The following SLX9 variants were observed in gnomAD, a reference collection of about 807,000 sequenced individuals.
SLX9 encodes the protein SLX9 ribosome biogenesis factor.
In SLX9, 19 loss-of-function variants were observed where a neutral mutation model predicts 20.8. The ratio of observed to expected loss-of-function variants is 0.91; its 90% CI spans 0.64 to 1.34. The LOEUF is 1.34. SLX9 is among the 40% of genes most tolerant of loss of function. SLX9 has a pLI of 0.00. For synonymous variants in SLX9, 113 were observed against 137.1 expected (o/e 0.82, Z 1.23); for missense variants, 299 against 322.2 (o/e 0.93, Z 0.55).
chr21:44,956,606 A>G (rs1470929936), intron 2 of SLX9, among the ~76,000 whole-genome samples: 1 of 152,228 alleles, frequency 6.6e-6, no homozygotes, highest in African/African-American at 2.4e-5. Context: ...TGCCAGCAGC[A>G]TCGCGTAGTG....
intron 1 of SLX9, among the ~76,000 whole-genome samples, chr21:44,941,061 T>C (rs920534947): frequency 9.2e-5 from 14 of 152,214 alleles, no homozygotes; most frequent in African/African-American, 3.4e-4. Flanking sequence ...AGAATTTATT[T>C]ACTTTCTTTC....
chr21:44,962,614 A>G (rs1365445076), intron 3 of SLX9, among the ~76,000 whole-genome samples: 1 of 152,218 alleles, frequency 6.6e-6, no homozygotes, highest in Non-Finnish European at 1.5e-5. Context: ...GCTACTGTGA[A>G]TAAGGCTGCT....
intron 2 of SLX9, among the ~76,000 whole-genome samples, chr21:44,950,342 TTAAAA>T (rs1157931980): frequency 6.6e-6 from 1 of 152,108 alleles, no homozygotes; most frequent in African/African-American, 2.4e-5. Flanking sequence ...TACTCCCAAG[TTAAAA>T]TAAGAACAAA....
In SLX9 at chr21:44,940,065, A is replaced by G; in HGVS notation, c.8A>G (p.Lys3Arg). The G allele has an allele frequency of 4.8e-6, 7 of 1,461,092 alleles. No individual in the cohort carries two copies. The highest frequency in any genetic ancestry group is 6.3e-6 in the Non-Finnish European group (7 of 1,106,296). 90.5% of individuals were successfully genotyped at this position (1,461,092 alleles called of 1,614,324 possible). MGKVRGLRARVHQ... is the reference protein window; with the variant it reads MGRVRGLRARVHQ... ...CCGTGCTCCGCCGGGAAGATGGGGA[A>G]AGTGAGGGGGTTGCGCGCCCGAGTG... Residue 3 changes from lysine to arginine, a missense_variant, in exon 1 of 6, where the codon AAA becomes AGA. Physicochemically the swap from Lys to Arg is conservative, Grantham distance 26. Transcript: ENST00000291634.
chr21:44,948,521 C>G (rs2084692423), intron 2 of SLX9, among the ~76,000 whole-genome samples: 2 of 152,180 alleles, frequency 1.3e-5, no homozygotes, highest in Admixed American at 1.3e-4. Flanking sequence ...CAGACAGGCA[C>G]TTGGGACTCA....
At chr21:44,975,962 C>T (rs1438230966) in intron 5 of SLX9, among the ~76,000 whole-genome samples, 1 of 152,272 alleles carries the variant, frequency 6.6e-6, no homozygotes, top group Non-Finnish European at 1.5e-5. Flanking sequence ...GCTCCGTGCA[C>T]ACGGGGCACA....
chr21:44,972,129 A>G (rs1162284623), intron 4 of SLX9, among the ~76,000 whole-genome samples: 2 of 151,882 alleles, frequency 1.3e-5, no homozygotes, highest in African/African-American at 4.9e-5. Flanking sequence ...GGCTAAGTGT[A>G]GGGCTGGTCT....
intron 2 of SLX9, among the ~76,000 whole-genome samples, chr21:44,957,987 C>T (rs557556982): frequency 7.2e-5 from 11 of 152,370 alleles, no homozygotes; most frequent in African/African-American, 2.2e-4. Flanking sequence ...AGGTCGCAGC[C>T]GCCTCTGCCC....
chr21:44,954,939 G>T (rs1001018824), intron 2 of SLX9, among the ~76,000 whole-genome samples: 1 of 152,148 alleles, frequency 6.6e-6, no homozygotes, highest in African/African-American at 2.4e-5. Flanking sequence ...AGAGGCCGGG[G>T]ACGGTGGCTC....
intron 2 of SLX9, among the ~76,000 whole-genome samples, chr21:44,949,126 G>C (rs984368100): frequency 2.0e-5 from 3 of 152,168 alleles, no homozygotes; most frequent in Admixed American, 6.5e-5. Flanking sequence ...CAGGCAGCAG[G>C]AGCAGGCATC....
chr21:44,952,930 T>G (rs911035983), intron 2 of SLX9, among the ~76,000 whole-genome samples: 4 of 152,108 alleles, frequency 2.6e-5, no homozygotes, highest in African/African-American at 9.7e-5. Context: ...CAGCTGAGTG[T>G]TTTCAAATGG....
rs2085270155 is a variant in SLX9 at position 44,976,712 on chromosome 21, T to C, written c.602T>C (p.Leu201Pro). The change falls in exon 6 of 6, where the codon CTG becomes CCG. Residue 201 changes from leucine (L) to proline (P), a missense_variant. Leu to Pro is a moderately conservative substitution (Grantham distance 98). Transcript: ENST00000291634. ...GAAAGGACCCGGTTTCAGGAGCTGC[T>C]GGCCAGTCCGGCCTACAGAGCCAGC... ...EEERTRFQELLASPAYRASPL... is the reference protein window; with the variant it reads ...EEERTRFQELPASPAYRASPL... 6.3e-7 allele frequency: 1 copy of C among 1,576,888 alleles called. No individual in the cohort carries two copies.
intron 1 of SLX9, among the ~76,000 whole-genome samples, chr21:44,940,658 T>A (rs2084526735): frequency 7.0e-6 from 1 of 143,392 alleles, no homozygotes; most frequent in African/African-American, 2.7e-5. Flanking sequence ...GTGAGTGGAA[T>A]TATTGCTTTC....
At chr21:44,963,212 C>A (rs1232599778) in intron 3 of SLX9, among the ~76,000 whole-genome samples, 1 of 151,738 alleles carries the variant, frequency 6.6e-6, no homozygotes, top group African/African-American at 2.4e-5. Flanking sequence ...CCTCAGCCTT[C>A]TGAGTAGCCG....
chr21:44,971,376 G>A lies in SLX9; in HGVS notation c.501-1821G>A, dbSNP rs537635921. Among the ~76,000 whole-genome samples, 16 of 6,872 alleles carry A rather than the reference G, an allele frequency of 2.3e-3. No individual in the cohort carries two copies. The East Asian group carries it at 0.03, about 13-fold the overall frequency. The allele number at this position is 6,872 out of a possible 152,430, so 4.5% of individuals were successfully genotyped here. A position where few individuals can be genotyped will look rare whatever the true frequency, so the allele number is the denominator to read the frequency against. Reference sequence around the variant, plus strand: ...CTCTGTCCCCGGGGCCCTGAACTCCGGAAACCCCACTGGGTAGGCTGTGCG... The same window carrying A: ...CTCTGTCCCCGGGGCCCTGAACTCCAGAAACCCCACTGGGTAGGCTGTGCG... On this transcript the variant is annotated intron_variant, in intron 4 of 5. Transcript: ENST00000291634.
At chr21:44,941,418 C>A (rs900264114) in intron 1 of SLX9, among the ~76,000 whole-genome samples, 4 of 150,528 alleles carry the variant, frequency 2.7e-5, no homozygotes, top group Admixed American at 2.6e-4. Flanking sequence ...TCCTTGTCCC[C>A]TTCTGGCTGT....
At chr21:44,970,746 C>A (rs1401297461) in intron 4 of SLX9, among the ~76,000 whole-genome samples, 1 of 152,198 alleles carries the variant, frequency 6.6e-6, no homozygotes, top group African/African-American at 2.4e-5. Flanking sequence ...TCCCTCCCAG[C>A]CTGGAGCTCT....
intron 4 of SLX9, 151 bp downstream of exon 4, chr21:44,967,332 C>CCTA: frequency 8.3e-7 from 1 of 1,209,654 alleles, no homozygotes. Flanking sequence ...CGCACAGGTA[C>CCTA]CCTGTTCTCA....
intron 2 of SLX9, among the ~76,000 whole-genome samples, chr21:44,959,881 C>T (rs141673291): frequency 0.015 from 2,305 of 152,220 alleles, 36 homozygotes; most frequent in Non-Finnish European, 0.021. Context: ...GCCATCACTG[C>T]GGGGGGACGC....
Sources: gnomAD v4.1 joint callset for allele counts (sites outside exome capture counted in the v4.1 genomes callset) on GRCh38, gnomAD v4.1.1 for gene constraint, MANE v1.5 for transcripts, NCBI Gene and HGNC (gene_info 2026-07-23, HGNC 2026-07-21) for gene names.